PMFBP1: variants seen among roughly 807,000 people sequenced by gnomAD.
PMFBP1 encodes the protein polyamine modulated factor 1 binding protein 1.
PMFBP1 carries 131 observed loss-of-function variants against 137.8 expected under a neutral mutation model. The observed-to-expected ratio is 0.95, with a 90% CI of 0.82 to 1.10. The LOEUF is 1.10. PMFBP1 is among the 50% of genes least tolerant of loss of function. The pLI, the probability that PMFBP1 is intolerant of heterozygous loss-of-function variation, is 0.00. For synonymous variants in PMFBP1, 490 were observed against 450.4 expected, an observed-to-expected ratio of 1.09 and a Z score of -1.11; for missense variants, 1,199 against 1,175.4, an observed-to-expected ratio of 1.02 and a Z score of -0.29.
At chr16:72,156,926 A>G (rs975588375) in intron 3 of PMFBP1, among the ~76,000 whole-genome samples, 3 of 151,616 alleles carry the variant, frequency 2.0e-5, no homozygotes, top group Non-Finnish European at 2.9e-5. Context: ...GGTGGCTCAC[A>G]CCTGTAATCC....
chr16:72,143,763 G>A (rs1028461768), intron 5 of PMFBP1, among the ~76,000 whole-genome samples: 2 of 151,556 alleles, frequency 1.3e-5, no homozygotes, highest in South Asian at 2.1e-4. Flanking sequence ...AAAATTGGCC[G>A]GGTGTGGTGG....
At chr16:72,166,081 G>A (rs2144509004) in intron 2 of PMFBP1, among the ~76,000 whole-genome samples, 1 of 152,306 alleles carries the variant, frequency 6.6e-6, no homozygotes, top group South Asian at 2.1e-4. Context: ...GAGCACAGAT[G>A]TTACCGTTAC....
chr16:72,130,615 C>T lies in PMFBP1; in HGVS notation c.1555G>A (p.Asp519Asn). Reference protein sequence around the residue: ...KGLLLDKQKADTIQELQRELQ... With the variant: ...KGLLLDKQKANTIQELQRELQ... ...TCTCTCTGTAGTTCCTGGATGGTGT[C>T]TGCCTTCTGCTTGTCCAGGAGGAGA... is the stretch of plus-strand genomic sequence containing the variant. The change falls in exon 11 of 21, where the codon GAC becomes AAC. Residue 519 changes from aspartate to asparagine, a missense_variant. By Grantham distance (23) the Asp-to-Asn change is conservative. Coordinates refer to ENST00000237353, the MANE Select transcript of PMFBP1 (RefSeq NM_031293.3). 6.2e-7 allele frequency: 1 copy of T among 1,614,004 alleles called. No individual in the cohort carries two copies.
At chr16:72,169,631 G>T (rs1051052780) in intron 2 of PMFBP1, among the ~76,000 whole-genome samples, 1 of 151,288 alleles carries the variant, frequency 6.6e-6, no homozygotes, top group South Asian at 2.1e-4. Context: ...TAATAAAAAA[G>T]ATTTAAAAAA....
At chr16:72,214,349 G>A in the PMFBP1 span, among the ~76,000 whole-genome samples, 1 of 151,910 alleles carries the variant, frequency 6.6e-6, no homozygotes, top group Non-Finnish European at 1.5e-5. Context: ...CTAATTTTTG[G>A]TATTTTTAGT....
At chr16:72,118,703 G>T (rs1029163808), downstream of PMFBP1, among the ~76,000 whole-genome samples, 3 of 152,146 alleles carry the variant, frequency 2.0e-5, no homozygotes, top group Non-Finnish European at 4.4e-5. Flanking sequence ...GTATTGAGGT[G>T]GCTGGGGAGG....
chr16:72,132,036 A>C (rs1245735526), intron 10 of PMFBP1, among the ~76,000 whole-genome samples: 1 of 152,066 alleles, frequency 6.6e-6, no homozygotes, highest in Non-Finnish European at 1.5e-5. Flanking sequence ...TGTAGAGACA[A>C]AGTTTTGCCA....
At position 72,135,055 on chromosome 16, in the gene PMFBP1, C is replaced by T. The variant is rs146378500; in HGVS notation, c.1203+1393G>A. Among the ~76,000 whole-genome samples, 1,034 of 152,268 alleles carry T rather than the reference C, an allele frequency of 6.8e-3. 8 individuals are homozygous for T. The highest frequency in any genetic ancestry group is 6.8e-3 in the Non-Finnish European group (465 of 68,026). ...TATACGAATAACTCAAAACTGTTTACGCAGACTCCGTGCCTTGTCATCATC... is the reference window on the plus strand; with the variant it reads ...TATACGAATAACTCAAAACTGTTTATGCAGACTCCGTGCCTTGTCATCATC... On this transcript the variant is annotated intron_variant, in intron 9 of 20. Coordinates refer to ENST00000237353, the MANE Select transcript of PMFBP1 (RefSeq NM_031293.3).
chr16:72,200,799 A>T, the PMFBP1 span, among the ~76,000 whole-genome samples: 3 of 152,212 alleles, frequency 2.0e-5, no homozygotes, highest in African/African-American at 7.2e-5. Context: ...CATTTTAAAG[A>T]TGAGAAAATT....
the PMFBP1 span, among the ~76,000 whole-genome samples, chr16:72,185,379 C>G: frequency 6.6e-6 from 1 of 152,040 alleles, no homozygotes; most frequent in African/African-American, 2.4e-5. Context: ...CCCGCCAGAG[C>G]TCTACTGAAC....
chr16:72,162,480 G>T (rs2043077825), intron 3 of PMFBP1, among the ~76,000 whole-genome samples: 2 of 152,198 alleles, frequency 1.3e-5, no homozygotes. Context: ...CCTCCTGCTT[G>T]TTTCCCCAGC....
intron 14 of PMFBP1, 90 bp from the exon 15 acceptor site, chr16:72,126,222 C>G: frequency 6.9e-7 from 1 of 1,442,250 alleles, no homozygotes; most frequent in Non-Finnish European, 9.4e-7. Context: ...AAGAGCCAAG[C>G]TCTCTCCTGT....
At chr16:72,218,289 C>A in the PMFBP1 span, among the ~76,000 whole-genome samples, 3 of 152,122 alleles carry the variant, frequency 2.0e-5, no homozygotes, top group Non-Finnish European at 4.4e-5. Flanking sequence ...AACAGAAATG[C>A]CTTGAAAAAC....
chr16:72,185,619 A>G, the PMFBP1 span, among the ~76,000 whole-genome samples: 12 of 152,038 alleles, frequency 7.9e-5, no homozygotes, highest in African/African-American at 2.9e-4. Context: ...TCCTCACACT[A>G]TATTAGAATT....
At chr16:72,176,440 C>T (rs1457657237), upstream of PMFBP1, among the ~76,000 whole-genome samples, 2 of 152,230 alleles carry the variant, frequency 1.3e-5, no homozygotes, top group East Asian at 3.8e-4. Context: ...CTAAAAGACT[C>T]TATCTCCTAG....
chr16:72,131,301 G>A (rs1044430549), intron 10 of PMFBP1, among the ~76,000 whole-genome samples: 16 of 152,158 alleles, frequency 1.1e-4, no homozygotes, highest in African/African-American at 3.4e-4. Flanking sequence ...AATGGTGGGC[G>A]ATAGAGTTGA....
chr16:72,222,987 G>C, the PMFBP1 span, among the ~76,000 whole-genome samples: 2 of 152,120 alleles, frequency 1.3e-5, no homozygotes, highest in African/African-American at 4.8e-5. Context: ...AAAAAGGGGA[G>C]TGAATAATCT....
chr16:72,122,637 G>C (rs1295280822), intron 19 of PMFBP1, among the ~76,000 whole-genome samples: 1 of 152,214 alleles, frequency 6.6e-6, no homozygotes, highest in Non-Finnish European at 1.5e-5. Flanking sequence ...CCTGTTCCCT[G>C]CTTAGCACCC....
chr16:72,188,356 T>C, the PMFBP1 span, among the ~76,000 whole-genome samples: 1 of 152,216 alleles, frequency 6.6e-6, no homozygotes, highest in Non-Finnish European at 1.5e-5. Flanking sequence ...CACTGAGAGC[T>C]TTCCAAGGCC....
Sources: gnomAD v4.1 joint callset for allele counts (sites outside exome capture counted in the v4.1 genomes callset) on GRCh38, gnomAD v4.1.1 for gene constraint, MANE v1.5 for transcripts, NCBI Gene and HGNC (gene_info 2026-07-23, HGNC 2026-07-21) for gene names.